Variants in USP31 observed in about 807,000 individuals in gnomAD.
USP31 encodes the protein ubiquitin specific peptidase 31.
USP31 carries 44 observed loss-of-function variants against 119.4 expected under a neutral mutation model. That is an observed-to-expected ratio of 0.37 (90% confidence interval 0.29 to 0.47). The LOEUF (loss-of-function observed/expected upper bound fraction) is 0.47, where lower values mean the gene tolerates loss of function less well. Ranked by LOEUF, USP31 falls within the 20% of genes least tolerant of loss-of-function variation. The pLI is 0.99. For missense variants in USP31, 1,643 were observed against 1,730.2 expected, an observed-to-expected ratio of 0.95 and a Z score of 0.89; for synonymous variants, 749 against 705.6, an observed-to-expected ratio of 1.06 and a Z score of -0.97.
chr16:23,110,876 C>T (rs1902292906), intron 1 of USP31, among the ~76,000 whole-genome samples: 2 of 152,160 alleles, frequency 1.3e-5, no homozygotes, highest in Non-Finnish European at 2.9e-5. Flanking sequence ...CACCTGTAAT[C>T]CCAGCACTTT....
chr16:23,113,061 A>G (rs1326063924), intron 1 of USP31, among the ~76,000 whole-genome samples: 2 of 152,136 alleles, frequency 1.3e-5, no homozygotes, highest in Non-Finnish European at 2.9e-5. Context: ...AAAAAACATC[A>G]TTAGCACTAA....
intron 6 of USP31, among the ~76,000 whole-genome samples, chr16:23,101,112 T>C (rs541330359): frequency 1.9e-4 from 29 of 152,166 alleles, no homozygotes; most frequent in Non-Finnish European, 3.5e-4. Flanking sequence ...AACTGTGTAT[T>C]AGAATAAGTC....
Position 23,148,915 on chromosome 16 carries a change from C to T in USP31, c.356G>A (p.Cys119Tyr). 7.4e-7 allele frequency: 1 copy of T among 1,347,948 alleles called. No homozygotes were observed. The allele number at this position is 1,347,948 out of a possible 1,614,324, so 83.5% of individuals were successfully genotyped here. Residue 119 changes from cysteine to tyrosine, a missense_variant, in exon 1 of 16, where the codon TGC becomes TAC. By Grantham distance (194) the Cys-to-Tyr change is radical. Around this residue, in one of 5 missense-constraint regions of USP31, gnomAD observed 302 missense variants for 262.6 expected, o/e 1.15. Coordinates refer to ENST00000219689, the MANE Select transcript of USP31 (RefSeq NM_020718.4). ...CACGCCGGGCACCGGCTCGGCGGCG[C>T]AAGCGGGCGGCGCGGGAGAGGCGGG... ...PPPASPAPPA[C>Y]AAEPVPGVAG... is the part of the protein sequence containing the mutation.
In USP31 at chr16:23,068,941, C is replaced by T. The variant is rs779507605; in HGVS notation, c.3164G>A (p.Ser1055Asn). The change falls in exon 16 of 16, where the codon AGT (serine) becomes AAT (asparagine). Residue 1055 changes from serine (S) to asparagine (N), a missense_variant. Physicochemically the swap from Ser to Asn is conservative, Grantham distance 46 (BLOSUM62 1). Around this residue, in one of 5 missense-constraint regions of USP31, gnomAD observed 699 missense variants for 650.9 expected, o/e 1.07. Coordinates refer to ENST00000219689, the MANE Select transcript of USP31 (RefSeq NM_020718.4). ...AGGAAGAGGAGAAGAAGGGGATGTACTTGAAAGGGATGACTCCTGGCTTGC... is the reference window on the plus strand; with the variant it reads ...AGGAAGAGGAGAAGAAGGGGATGTATTTGAAAGGGATGACTCCTGGCTTGC... ...ALASQESSLS[S>N]TSPSSPLPVK... The T allele has an allele frequency of 5.6e-6, 9 of 1,614,002 alleles. No individual in the cohort carries two copies. In the Admixed American group the frequency reaches 1.0e-4, roughly 18 times the overall value.
In USP31 at chr16:23,064,870, C is replaced by T. The variant is rs143678712; in HGVS notation, c.*3176G>A. 1 of 152,206 alleles carries T rather than the reference C, an allele frequency of 6.6e-6. No individual in the cohort carries two copies. Among genetic ancestry groups the T allele is most frequent in the East Asian group, 1.9e-4 (1 of 5,196 alleles). 9.4% of individuals were successfully genotyped at this position (152,206 alleles called of 1,614,324 possible). On this transcript the variant is annotated 3_prime_UTR_variant, in exon 16 of 16. Transcript: ENST00000219689. ...ATTGCAAAAGCGTGTCAGGCAGCCT[C>T]ACAGATAATTACAGTATTTTAGCAC...
intron 1 of USP31, among the ~76,000 whole-genome samples, chr16:23,146,573 C>CT (rs1294418257): frequency 2.6e-5 from 4 of 152,056 alleles, no homozygotes; most frequent in African/African-American, 9.7e-5. Flanking sequence ...TGACATAGAT[C>CT]TTTTTTTCCA....
chr16:23,147,350 C>A (rs1300367972), intron 1 of USP31, among the ~76,000 whole-genome samples: 1 of 152,176 alleles, frequency 6.6e-6, no homozygotes, highest in East Asian at 1.9e-4. Flanking sequence ...CTCAGGTGAT[C>A]CACCCGCCTT....
chr16:23,105,293 G>C, intron 5 of USP31, 148 bp downstream of exon 5: 1 of 940,426 alleles, frequency 1.1e-6, no homozygotes, highest in Non-Finnish European at 1.5e-6. Flanking sequence ...TAGTCTTTGG[G>C]GCCTTGATTT....
At chr16:23,098,569 C>T (rs1901715605) in intron 6 of USP31, among the ~76,000 whole-genome samples, 1 of 152,172 alleles carries the variant, frequency 6.6e-6, no homozygotes, top group East Asian at 1.9e-4. Context: ...TAACTTCAAA[C>T]TATACTACAA....
intron 1 of USP31, among the ~76,000 whole-genome samples, chr16:23,130,624 T>A (rs1357251227): frequency 1.3e-5 from 2 of 151,858 alleles, no homozygotes; most frequent in African/African-American, 4.8e-5. Flanking sequence ...GCTGAAAGAC[T>A]CCCCTAGGGA....
chr16:23,146,919 A>G (rs937341873), intron 1 of USP31, among the ~76,000 whole-genome samples: 4 of 151,170 alleles, frequency 2.6e-5, no homozygotes, highest in African/African-American at 9.7e-5. Context: ...ATTAAATTCT[A>G]GCTACTGTTA....
chr16:23,145,293 G>C (rs1903472682), intron 1 of USP31, among the ~76,000 whole-genome samples: 1 of 152,204 alleles, frequency 6.6e-6, no homozygotes, highest in Non-Finnish European at 1.5e-5. Context: ...CACCGCTCCA[G>C]CTCTACCGAA....
At chr16:23,125,869 A>C (rs572699277) in intron 1 of USP31, among the ~76,000 whole-genome samples, 1 of 152,356 alleles carries the variant, frequency 6.6e-6, no homozygotes, top group Admixed American at 6.5e-5. Context: ...AAATAAAGAA[A>C]GCGTTGAATT....
At chr16:23,085,421 A>G (rs548700508) in intron 10 of USP31, among the ~76,000 whole-genome samples, 164 bp downstream of exon 10, 1 of 152,360 alleles carries the variant, frequency 6.6e-6, no homozygotes, top group South Asian at 2.1e-4. Context: ...AATGTATAGG[A>G]AAGGAATAAT....
intron 6 of USP31, among the ~76,000 whole-genome samples, chr16:23,095,666 A>C (rs1392198744): frequency 6.6e-6 from 1 of 152,236 alleles, no homozygotes; most frequent in African/African-American, 2.4e-5. Context: ...GAAACCCTAC[A>C]AGCCAGAAGA....
intron 6 of USP31, among the ~76,000 whole-genome samples, chr16:23,100,590 T>C (rs1567235578): frequency 1.3e-5 from 2 of 151,906 alleles, no homozygotes; most frequent in Admixed American, 6.6e-5. Flanking sequence ...CTGGCCAACA[T>C]GGTGAAACCC....
intron 6 of USP31, among the ~76,000 whole-genome samples, chr16:23,100,090 C>T (rs987376179): frequency 3.9e-5 from 6 of 152,278 alleles, no homozygotes; most frequent in East Asian, 3.9e-4. Context: ...AAATGTAACA[C>T]GGTGCAGCCA....
chr16:23,074,418 AATG>A (rs1900475329), intron 13 of USP31, among the ~76,000 whole-genome samples: 1 of 152,234 alleles, frequency 6.6e-6, no homozygotes, highest in Non-Finnish European at 1.5e-5. Context: ...ATAACAATAT[AATG>A]ATATGATAGC....
At chr16:23,077,821 C>A (rs1158165053) in intron 13 of USP31, among the ~76,000 whole-genome samples, 1 of 152,084 alleles carries the variant, frequency 6.6e-6, no homozygotes, top group Non-Finnish European at 1.5e-5. Context: ...CTCAAGCAGG[C>A]CCTTAGCCCA....
Sources: gnomAD v4.1 joint callset for allele counts (sites outside exome capture counted in the v4.1 genomes callset) on GRCh38, gnomAD v4.1.1 for gene constraint, gnomAD v4.1.1 regional missense constraint, MANE v1.5 for transcripts, NCBI Gene and HGNC (gene_info 2026-07-23, HGNC 2026-07-21) for gene names.